The following STAM variants were observed in gnomAD, a reference collection of about 807,000 sequenced individuals.
The protein encoded by STAM is signal transducing adaptor molecule.
Under a neutral mutation model 63.4 loss-of-function variants are expected in STAM, and 16 were observed. The observed-to-expected ratio is 0.25, with a 90% CI of 0.17 to 0.38. The LOEUF is 0.38. Among genes scored for constraint, STAM ranks in the 10% least tolerant of loss-of-function variants. The pLI is 1.00. For missense variants in STAM, 636 were observed against 657.1 expected, an observed-to-expected ratio of 0.97 and a Z score of 0.35; for synonymous variants, 238 against 223.9, an observed-to-expected ratio of 1.06 and a Z score of -0.56.
chr10:17,694,885 GAATA>G (rs782622563), intron 6 of STAM, 160 bp from the exon 7 acceptor site: 52 of 566,332 alleles, frequency 9.2e-5, no homozygotes, highest in Non-Finnish European at 1.4e-4. Flanking sequence ...GTGAATGAAT[GAATA>G]AACTGACAAA....
intron 9 of STAM, among the ~76,000 whole-genome samples, chr10:17,701,715 C>T (rs1041736628): frequency 2.6e-5 from 4 of 152,146 alleles, no homozygotes; most frequent in Admixed American, 6.5e-5. Context: ...CTACCATTTT[C>T]GTTTTTACCC....
chr10:17,696,371 A>T (rs1254535495), intron 7 of STAM, among the ~76,000 whole-genome samples: 1 of 152,092 alleles, frequency 6.6e-6, no homozygotes, highest in African/African-American at 2.4e-5. Context: ...GGGAGAAAAA[A>T]AAAACCTTGC....
chr10:17,678,976 A>C (rs1392032558), intron 2 of STAM, among the ~76,000 whole-genome samples: 1 of 152,222 alleles, frequency 6.6e-6, no homozygotes, highest in Non-Finnish European at 1.5e-5. Context: ...CTTAAGGCTG[A>C]ATACTATTCC....
chr10:17,708,323 C>T (rs1031760725), intron 12 of STAM, among the ~76,000 whole-genome samples: 13 of 152,246 alleles, frequency 8.5e-5, no homozygotes, highest in African/African-American at 3.1e-4. Context: ...TTTGCTGACC[C>T]CTGCTTTAGA....
chr10:17,674,557 G>A (rs1338868544), intron 2 of STAM, among the ~76,000 whole-genome samples: 1 of 152,146 alleles, frequency 6.6e-6, no homozygotes, highest in Non-Finnish European at 1.5e-5. Context: ...CAGAATGGTG[G>A]TGGGTTCCCA....
chr10:17,644,271 C>G lies in STAM; in HGVS notation c.-69C>G. On this transcript the variant is annotated 5_prime_UTR_variant, in exon 1 of 14. The change creates a new upstream start codon in the 5' untranslated region. Transcript: ENST00000377524. ...TCTTTTTGCCTGAGGAGTCTTCCAT[C>G]CTACGTCGAGCTCTGACTCCCGTGC... The G allele has an allele frequency of 3.2e-6, 5 of 1,570,100 alleles. No homozygotes were observed. Among genetic ancestry groups the G allele is most frequent in the Non-Finnish European group, 4.4e-6 (5 of 1,140,994 alleles).
intron 2 of STAM, among the ~76,000 whole-genome samples, chr10:17,676,183 G>A (rs902186465): frequency 1.3e-5 from 2 of 152,164 alleles, no homozygotes; most frequent in Non-Finnish European, 2.9e-5. Context: ...GATTGATTAA[G>A]GAAGGTTCAC....
chr10:17,691,471 T>G (rs893848894), intron 5 of STAM, among the ~76,000 whole-genome samples: 15 of 152,070 alleles, frequency 9.9e-5, no homozygotes, highest in Non-Finnish European at 5.9e-5. Context: ...TGAGCCAAGA[T>G]CTCGCCACTG....
At chr10:17,684,126 G>A (rs186244306) in intron 2 of STAM, among the ~76,000 whole-genome samples, 2 of 152,280 alleles carry the variant, frequency 1.3e-5, no homozygotes, top group African/African-American at 4.8e-5. Context: ...TTTTTGACCA[G>A]TTTCATGGAG....
intron 1 of STAM, among the ~76,000 whole-genome samples, chr10:17,645,944 A>G (rs1322318316): frequency 2.0e-5 from 3 of 152,116 alleles, no homozygotes; most frequent in Non-Finnish European, 4.4e-5. Flanking sequence ...CAACTACCCA[A>G]TCACCTTTAT....
At chr10:17,644,994 A>T (rs1833465373) in intron 1 of STAM, among the ~76,000 whole-genome samples, 1 of 152,216 alleles carries the variant, frequency 6.6e-6, no homozygotes, top group Non-Finnish European at 1.5e-5. Flanking sequence ...GCACTTTAAA[A>T]GGTGTAAAGA....
intron 13 of STAM, among the ~76,000 whole-genome samples, chr10:17,713,131 C>T (rs1836632946): frequency 6.6e-6 from 1 of 152,158 alleles, no homozygotes; most frequent in Non-Finnish European, 1.5e-5. Context: ...ATGCTTTCTT[C>T]ACTTGCTGGT....
chr10:17,700,130 T>G (rs1378915558), intron 8 of STAM, 61 bp from the exon 9 acceptor site: 1 of 1,348,286 alleles, frequency 7.4e-7, no homozygotes, highest in Non-Finnish European at 1.0e-6. Flanking sequence ...GAAGTTAAAG[T>G]GCTTTAAAGT....
At chr10:17,703,053 T>G (rs1339146773) in intron 9 of STAM, among the ~76,000 whole-genome samples, 1 of 121,524 alleles carries the variant, frequency 8.2e-6, no homozygotes, top group Non-Finnish European at 1.8e-5. Context: ...GAAAAGAAAA[T>G]ACTTGCAGAA....
rs917760598 is a variant in STAM, at chr10:17,644,216, C to G, written c.-124C>G. 7.5e-6 allele frequency: 8 copies of G among 1,060,866 alleles called. No individual in the cohort carries two copies. Among genetic ancestry groups the G allele is most frequent in the Non-Finnish European group, 1.1e-5 (8 of 703,934 alleles). The allele number at this position is 1,060,866 out of a possible 1,614,324, so 65.7% of individuals were successfully genotyped here. A position where few individuals can be genotyped will look rare whatever the true frequency, so the allele number is the denominator to read the frequency against. Reference sequence around the variant, plus strand: ...GGGGTTGGGTGAGAGGAGGAGCTGTCGCGGACCCTGTAGAGTCGGTCTCTG... The same window carrying G: ...GGGGTTGGGTGAGAGGAGGAGCTGTGGCGGACCCTGTAGAGTCGGTCTCTG... On this transcript the variant is annotated 5_prime_UTR_variant, in exon 1 of 14. Transcript: ENST00000377524.
At chr10:17,659,468 T>C in intron 1 of STAM, among the ~76,000 whole-genome samples, 1 of 146,336 alleles carries the variant, frequency 6.8e-6, no homozygotes, top group African/African-American at 2.5e-5. Flanking sequence ...TTCCTCTTTT[T>C]TTTTTTTTTT....
chr10:17,695,663 T>C (rs1406060745), intron 7 of STAM: 1 of 153,462 alleles, frequency 6.5e-6, no homozygotes, highest in East Asian at 1.9e-4. Context: ...GAATTACACA[T>C]TTATTCAGGA....
At chr10:17,654,518 G>A (rs1383693109) in intron 1 of STAM, among the ~76,000 whole-genome samples, 6 of 151,992 alleles carry the variant, frequency 3.9e-5, no homozygotes, top group African/African-American at 9.7e-5. Flanking sequence ...CACCGCGCCC[G>A]GCTAAACCAG....
At chr10:17,677,049 A>G (rs1365124130) in intron 2 of STAM, among the ~76,000 whole-genome samples, 1 of 152,184 alleles carries the variant, frequency 6.6e-6, no homozygotes, top group Non-Finnish European at 1.5e-5. Context: ...TAGTATGTAA[A>G]AAGATACTGC....
Sources: gnomAD v4.1 joint callset for allele counts (sites outside exome capture counted in the v4.1 genomes callset) on GRCh38, gnomAD v4.1.1 for gene constraint, MANE v1.5 for transcripts, NCBI Gene and HGNC (gene_info 2026-07-23, HGNC 2026-07-21) for gene names.